GRIK2: variants seen among roughly 807,000 people sequenced by gnomAD.
GRIK2 encodes the protein glutamate ionotropic receptor kainate type subunit 2.
GRIK2 carries 32 observed loss-of-function variants against 100.3 expected under a neutral mutation model. The ratio of observed to expected loss-of-function variants is 0.32; its 90% CI spans 0.24 to 0.43. GRIK2 has a LOEUF of 0.43. Among genes scored for constraint, GRIK2 ranks in the 20% least tolerant of loss-of-function variants. The pLI, the probability that GRIK2 is intolerant of heterozygous loss-of-function variation, is 1.00. For synonymous variants in GRIK2, 417 were observed against 389.4 expected, an observed-to-expected ratio of 1.07 and a Z score of -0.83; for missense variants, 843 against 1,114.9, an observed-to-expected ratio of 0.76 and a Z score of 3.47.
At chr6:102,004,225 A>G (rs1239407050) in intron 14 of GRIK2, among the ~76,000 whole-genome samples, 1 of 148,182 alleles carries the variant, frequency 6.7e-6, no homozygotes, top group African/African-American at 2.5e-5. Flanking sequence ...ACTCTTGTTC[A>G]GTATGCTGTC....
intron 4 of GRIK2, among the ~76,000 whole-genome samples, chr6:101,661,271 CT>C (rs944792915): frequency 6.6e-6 from 1 of 152,164 alleles, no homozygotes; most frequent in Non-Finnish European, 1.5e-5. Context: ...TTTGTTTACA[CT>C]GTGAGGGGAA....
intron 14 of GRIK2, among the ~76,000 whole-genome samples, chr6:101,931,485 A>G (rs1790282323): frequency 6.6e-6 from 1 of 152,170 alleles, no homozygotes; most frequent in Non-Finnish European, 1.5e-5. Flanking sequence ...ACTAGCAAGA[A>G]GAGCTGGCTC....
At chr6:101,557,950 CT>C (rs1258530525) in intron 2 of GRIK2, among the ~76,000 whole-genome samples, 3 of 152,094 alleles carry the variant, frequency 2.0e-5, no homozygotes, top group African/African-American at 7.2e-5. Flanking sequence ...CTGCAGGAAA[CT>C]TTTGGTTTTC....
intron 14 of GRIK2, among the ~76,000 whole-genome samples, chr6:102,006,846 C>T (rs1409450505): frequency 2.0e-5 from 3 of 151,806 alleles, no homozygotes; most frequent in Non-Finnish European, 4.4e-5. Flanking sequence ...TTTGATATTA[C>T]TATCATAATT....
chr6:101,442,460 T>TG (rs1770124500), intron 2 of GRIK2, among the ~76,000 whole-genome samples: 1 of 152,128 alleles, frequency 6.6e-6, no homozygotes, highest in African/African-American at 2.4e-5. Context: ...GGAGATTCTC[T>TG]GGGGAGCCCT....
At chr6:101,765,769 G>A (rs1778011150) in intron 7 of GRIK2, among the ~76,000 whole-genome samples, 1 of 152,080 alleles carries the variant, frequency 6.6e-6, no homozygotes, top group Admixed American at 6.6e-5. Context: ...CTGTATAAAT[G>A]GAAGGCACTA....
At chr6:101,394,910 AT>A (rs1337356694) in intron 1 of GRIK2, among the ~76,000 whole-genome samples, 1 of 152,180 alleles carries the variant, frequency 6.6e-6, no homozygotes, top group Non-Finnish European at 1.5e-5. Context: ...GTTTTCTCCT[AT>A]TTAAACCCAT....
intron 12 of GRIK2, 91 bp from the exon 13 acceptor site, chr6:101,924,506 ATCTG>A (rs1582546551): frequency 1.4e-5 from 10 of 714,210 alleles, no homozygotes; most frequent in Admixed American, 2.1e-5. Context: ...ACTTAAACTT[ATCTG>A]TCTTTTTGTT....
intron 14 of GRIK2, among the ~76,000 whole-genome samples, chr6:101,950,630 G>A (rs924332980): frequency 6.6e-6 from 1 of 152,150 alleles, no homozygotes; most frequent in Non-Finnish European, 1.5e-5. Flanking sequence ...GAATAGGACA[G>A]TCTTCCCTGC....
chr6:101,822,764 A>G (rs1300441417), intron 10 of GRIK2, among the ~76,000 whole-genome samples: 2 of 151,940 alleles, frequency 1.3e-5, no homozygotes, highest in African/African-American at 4.8e-5. Context: ...TTTAGGTTAG[A>G]AAGCTGATGT....
chr6:101,915,807 T>G (rs1055243349), intron 12 of GRIK2, among the ~76,000 whole-genome samples: 1 of 151,534 alleles, frequency 6.6e-6, no homozygotes, highest in Admixed American at 6.6e-5. Flanking sequence ...TTTTCTGAAA[T>G]CAATGTCAAT....
intron 7 of GRIK2, among the ~76,000 whole-genome samples, chr6:101,773,401 A>G (rs1778528301): frequency 6.7e-6 from 1 of 149,332 alleles, no homozygotes; most frequent in Admixed American, 6.7e-5. Flanking sequence ...AATCGCTTGA[A>G]CCCGGGAGGA....
intron 12 of GRIK2, among the ~76,000 whole-genome samples, chr6:101,902,910 G>C (rs746366987): frequency 6.6e-6 from 1 of 151,868 alleles, no homozygotes; most frequent in Non-Finnish European, 1.5e-5. Context: ...TGAATTAATA[G>C]GGGATGATTG....
intron 14 of GRIK2, among the ~76,000 whole-genome samples, chr6:102,031,322 T>C (rs919326087): frequency 1.1e-4 from 16 of 151,262 alleles, no homozygotes; most frequent in African/African-American, 3.9e-4. Context: ...CACTTCTCAC[T>C]GCTCCTATGA....
Position 101,664,911 on chromosome 6 carries a change from G to C in GRIK2, c.542-11712G>C, listed in dbSNP as rs755021725. 4.6e-5 allele frequency among the ~76,000 whole-genome samples: 7 copies of C among 152,172 alleles called. No homozygotes were observed. The South Asian group carries it at 6.2e-4, about 14-fold the overall frequency. On this transcript the variant is annotated intron_variant, in intron 4 of 16. Coordinates refer to ENST00000369134, the MANE Select transcript of GRIK2 (RefSeq NM_021956.5). ...AAACAACAACAAAAAATCAGTTCTT[G>C]TGAGACTTACTAACATGAGAACAGT... is the stretch of plus-strand genomic sequence containing the variant.
At chr6:101,459,041 A>G (rs1019803078) in intron 2 of GRIK2, among the ~76,000 whole-genome samples, 2 of 152,096 alleles carry the variant, frequency 1.3e-5, no homozygotes, top group Admixed American at 6.5e-5. Flanking sequence ...ATAATGGGGG[A>G]AAAATTCTCT....
At chr6:101,709,762 G>GT (rs1457676353) in intron 7 of GRIK2, among the ~76,000 whole-genome samples, 26 of 151,780 alleles carry the variant, frequency 1.7e-4, no homozygotes, top group Admixed American at 4.0e-4. Flanking sequence ...GGCTATAGCA[G>GT]TATCTGGATT....
intron 14 of GRIK2, among the ~76,000 whole-genome samples, chr6:101,950,461 T>A (rs2128478864): frequency 6.6e-6 from 1 of 152,280 alleles, no homozygotes; most frequent in Middle Eastern, 3.4e-3. Flanking sequence ...ATTGTTGTTT[T>A]GTGTTTTAAC....
chr6:101,761,203 A>G lies in GRIK2; in HGVS notation c.952-38445A>G, dbSNP rs187516282. ...CACAGAAATAGTCTCTAGGGCCACTATCTTTGAATTCCATGGCTACAAATG... is the reference window on the plus strand; with the variant it reads ...CACAGAAATAGTCTCTAGGGCCACTGTCTTTGAATTCCATGGCTACAAATG... On this transcript the variant is annotated intron_variant, in intron 7 of 16. Transcript: ENST00000369134. 7.9e-5 allele frequency among the ~76,000 whole-genome samples: 12 copies of G among 152,244 alleles called. No individual in the cohort carries two copies. In the East Asian group the frequency reaches 2.1e-3, roughly 27 times the overall value.
Sources: gnomAD v4.1 joint callset for allele counts (sites outside exome capture counted in the v4.1 genomes callset) on GRCh38, gnomAD v4.1.1 for gene constraint, MANE v1.5 for transcripts, NCBI Gene and HGNC (gene_info 2026-07-23, HGNC 2026-07-21) for gene names.